Variants in SPRY1 observed in about 807,000 individuals in gnomAD.
The protein encoded by SPRY1 is sprouty RTK signaling antagonist 1.
Under a neutral mutation model 22.6 loss-of-function variants are expected in SPRY1, and 20 were observed. The observed-to-expected ratio is 0.89, with a 90% confidence interval of 0.62 to 1.29. The LOEUF is 1.29. SPRY1 is among the 50% of genes most tolerant of loss of function. The pLI is 0.00. For synonymous variants in SPRY1, 155 were observed against 144.7 expected, an observed-to-expected ratio of 1.07 and a Z score of -0.51; for missense variants, 446 against 387.7, an observed-to-expected ratio of 1.15 and a Z score of -1.26.
chr4:123,401,472 C>T (rs1253127463), intron 2 of SPRY1, 65 bp from the exon 3 acceptor site: 7 of 1,246,496 alleles, frequency 5.6e-6, no homozygotes, highest in East Asian at 2.7e-5. Context: ...CAGGATTCCC[C>T]CCCCCCAAAA....
rs569530064 is a variant in SPRY1 at position 123,402,831 on chromosome 4, C to G, written c.*280C>G. The G allele has an allele frequency of 1.4e-5, 7 of 518,274 alleles. No individual in the cohort carries two copies. Among genetic ancestry groups the G allele is most frequent in the African/African-American group, 1.1e-4 (6 of 52,282 alleles). The allele number at this position is 518,274 out of a possible 1,614,324, so 32.1% of individuals were successfully genotyped here. A position where few individuals can be genotyped will look rare whatever the true frequency, so the allele number is the denominator to read the frequency against. On this transcript the variant is annotated 3_prime_UTR_variant, in exon 3 of 3. Transcript: ENST00000651917. The stretch of plus-strand genomic sequence containing the variant: ...TGGGCTTTTGTGTAGCCTTTTTGTT[C>G]TGCAAGCAACTTTCTAAAGTTGTGT...
Position 123,401,480 on chromosome 4 carries a change from A to C in SPRY1, c.-55-57A>C. On this transcript the variant is annotated intron_variant, in intron 2 of 2. Coordinates refer to ENST00000651917, the MANE Select transcript of SPRY1 (RefSeq NM_001258038.2). ...GATTTGACAGGATTCCCCCCCCCCA[A>C]AAAAAATGCTTCCTGTCATTTATTT... 3.6e-6 allele frequency: 5 copies of C among 1,371,710 alleles called. No individual in the cohort carries two copies. The South Asian group carries it at 7.1e-5, about 19-fold the overall frequency. The allele number at this position is 1,371,710 out of a possible 1,614,324, so 85.0% of individuals were successfully genotyped here.
chr4:123,397,525 G>C (rs892118018), intron 1 of SPRY1, 86 bp from the exon 2 acceptor site: 5 of 152,228 alleles, frequency 3.3e-5, no homozygotes, highest in Admixed American at 6.5e-5. Flanking sequence ...CGGGCTGCGG[G>C]CGAGCTGGCC....
Position 123,402,363 on chromosome 4 carries a change from C to T in SPRY1, c.772C>T (p.Leu258=). ...ACAATCACACTGCTGCTCTAGATAC[C>T]TGTGTATGGGAGCCATGTCTTTATT... ...CSQSHCCSRY[L]CMGAMSLFLP... The change falls in exon 3 of 3, where the codon CTG becomes TTG. Residue 258 remains leucine, a synonymous_variant. Coordinates refer to ENST00000651917, the MANE Select transcript of SPRY1 (RefSeq NM_001258038.2). 6.2e-7 allele frequency: 1 copy of T among 1,614,170 alleles called. No homozygotes were observed. Among genetic ancestry groups the T allele is most frequent in the African/African-American group, 1.3e-5 (1 of 75,052 alleles).
At position 123,400,648 on chromosome 4, in the gene SPRY1, T is replaced by G. The variant is rs548377061; in HGVS notation, c.-55-889T>G. On this transcript the variant is annotated intron_variant, in intron 2 of 2. Coordinates refer to ENST00000651917, the MANE Select transcript of SPRY1 (RefSeq NM_001258038.2). ...TCAGAATTGGCAGTGCGTTTGAAAA[T>G]CAAGGTCTGTCATGTAAATACAGAT... is the stretch of plus-strand genomic sequence containing the variant. Among the ~76,000 whole-genome samples the G allele has an allele frequency of 2.6e-5, 4 of 152,312 alleles. No homozygotes were observed. In the East Asian group the frequency reaches 7.7e-4, roughly 29 times the overall value.
rs946993979 is a variant in SPRY1, at chr4:123,402,983, T to A, written c.*432T>A. 9 of 420,280 alleles carry A rather than the reference T, an allele frequency of 2.1e-5. No individual in the cohort carries two copies. The highest frequency in any genetic ancestry group is 3.5e-5 in the Non-Finnish European group (8 of 229,898). 26.0% of individuals were successfully genotyped at this position (420,280 alleles called of 1,614,324 possible). On this transcript the variant is annotated 3_prime_UTR_variant, in exon 3 of 3. Coordinates refer to ENST00000651917, the MANE Select transcript of SPRY1 (RefSeq NM_001258038.2). ...TTGCTTAAATAAGCTATGTATTAAA[T>A]CTGTCTCCAGTTAGGGCTATCTTCC...
Position 123,402,356 on chromosome 4 carries a change from T to C in SPRY1, c.765T>C (p.Ser255=). 1 of 1,614,228 alleles carries C rather than the reference T, an allele frequency of 6.2e-7. No homozygotes were observed. The highest frequency in any genetic ancestry group is 8.5e-7 in the Non-Finnish European group (1 of 1,180,036). ...CCTGTTCACAATCACACTGCTGCTC[T>C]AGATACCTGTGTATGGGAGCCATGT... The part of the protein sequence containing the change: ...PCSCSQSHCC[S]RYLCMGAMSL... Residue 255 remains serine, a synonymous_variant, in exon 3 of 3, where the codon TCT becomes TCC. Transcript: ENST00000651917.
rs577870519 is a variant in SPRY1, at chr4:123,403,095, C to T, written c.*544C>T. 8.7e-5 allele frequency: 27 copies of T among 311,868 alleles called. No individual in the cohort carries two copies. Among genetic ancestry groups the T allele is most frequent in the African/African-American group, 5.6e-4 (26 of 46,712 alleles). 19.3% of individuals were successfully genotyped at this position (311,868 alleles called of 1,614,324 possible). ...TTTAACCACTGCCCTCTCCTTCTTTCTCCTTCAAGGTTCTTTCCCCCTCAG... is the reference window on the plus strand; with the variant it reads ...TTTAACCACTGCCCTCTCCTTCTTTTTCCTTCAAGGTTCTTTCCCCCTCAG... On this transcript the variant is annotated 3_prime_UTR_variant, in exon 3 of 3. Coordinates refer to ENST00000651917, the MANE Select transcript of SPRY1 (RefSeq NM_001258038.2).
chr4:123,401,529 C>A lies in SPRY1; in HGVS notation c.-55-8C>A. 2.0e-6 allele frequency: 3 copies of A among 1,497,832 alleles called. No homozygotes were observed. The highest frequency in any genetic ancestry group is 1.4e-5 in the South Asian group (1 of 71,922). 92.8% of individuals were successfully genotyped at this position (1,497,832 alleles called of 1,614,324 possible). On this transcript the variant is annotated splice_polypyrimidine_tract_variant and splice_region_variant and intron_variant, in intron 2 of 2. Transcript: ENST00000651917. Reference sequence around the variant, plus strand: ...TTTCTGTTTTTTTCATCTTTGATTTCGTTTTAGGATTTCAGATGCATGCCA... The same window carrying A: ...TTTCTGTTTTTTTCATCTTTGATTTAGTTTTAGGATTTCAGATGCATGCCA...
chr4:123,401,896 T>TC lies in SPRY1; in HGVS notation c.308dup (p.Ser104LysfsTer2). Reference sequence around the variant, plus strand: ...ACAAGCCACCTGGGACATGCAGTACTCCCAAGTAATGCCAGGGGCCCCATT... The same window carrying TC: ...ACAAGCCACCTGGGACATGCAGTACTCCCCAAGTAATGCCAGGGGCCCCATT... On this transcript the variant is annotated frameshift_variant, in exon 3 of 3. Transcript: ENST00000651917. LOFTEE classifies it high-confidence loss of function. 6.2e-7 allele frequency: 1 copy of TC among 1,614,142 alleles called. No individual in the cohort carries two copies. The highest frequency in any genetic ancestry group is 8.5e-7 in the Non-Finnish European group (1 of 1,180,032).
chr4:123,397,164 C>T (rs1348223361), intron 1 of SPRY1, among the ~76,000 whole-genome samples: 1 of 152,146 alleles, frequency 6.6e-6, no homozygotes, highest in Non-Finnish European at 1.5e-5. Flanking sequence ...GAACAGTAGA[C>T]GTTTAAAGTC....
intron 2 of SPRY1, chr4:123,400,316 GTTTAGGAAA>G (rs1440846883): frequency 6.6e-6 from 1 of 152,240 alleles, no homozygotes; most frequent in Non-Finnish European, 1.5e-5. Flanking sequence ...AGAGACATTA[GTTTAGGAAA>G]TATAGGAAAT....
At position 123,401,813 on chromosome 4, in the gene SPRY1, T is replaced by C. The variant is rs758911065; in HGVS notation, c.222T>C (p.His74=). 8.1e-6 allele frequency: 13 copies of C among 1,613,968 alleles called. No homozygotes were observed. In the African/African-American group the frequency reaches 1.5e-4, roughly 18 times the overall value. Residue 74 remains histidine (H), a synonymous_variant, in exon 3 of 3, where the codon CAT becomes CAC. Coordinates refer to ENST00000651917, the MANE Select transcript of SPRY1 (RefSeq NM_001258038.2). ...APRTAPRQEK[H]ERTHEIIPIN... is the part of the protein sequence containing the mutation. ...GGACAGCACCAAGACAAGAAAAGCA[T>C]GAAAGGACTCATGAAATCATACCAA...
rs1299652485 is a variant in SPRY1 at position 123,402,331 on chromosome 4, C to T, written c.740C>T (p.Ser247Phe). ...EGDSYSDNPC[S>F]CSQSHCCSRY... Reference sequence around the variant, plus strand: ...GATTCCTATTCAGATAATCCTTGCTCCTGTTCACAATCACACTGCTGCTCT... The same window carrying T: ...GATTCCTATTCAGATAATCCTTGCTTCTGTTCACAATCACACTGCTGCTCT... The change falls in exon 3 of 3, where the codon TCC (serine) becomes TTC (phenylalanine). Residue 247 changes from serine to phenylalanine, a missense_variant. Physicochemically the swap from Ser to Phe is radical, Grantham distance 155. Transcript: ENST00000651917. 1 of 1,614,234 alleles carries T rather than the reference C, an allele frequency of 6.2e-7. No individual in the cohort carries two copies. Among genetic ancestry groups the T allele is most frequent in the Non-Finnish European group, 8.5e-7 (1 of 1,180,036 alleles).
At chr4:123,398,732 G>T (rs1009510690) in intron 2 of SPRY1, among the ~76,000 whole-genome samples, 5 of 152,150 alleles carry the variant, frequency 3.3e-5, no homozygotes, top group African/African-American at 4.8e-5. Flanking sequence ...GGGTGGCGGG[G>T]TGGGCGACGG....
intron 2 of SPRY1, 68 bp from the exon 3 acceptor site, chr4:123,401,469 C>T (rs1023833571): frequency 2.8e-5 from 22 of 792,920 alleles, no homozygotes; most frequent in Admixed American, 1.3e-4. Flanking sequence ...TGACAGGATT[C>T]CCCCCCCCCA....
chr4:123,401,634 G>T lies in SPRY1; in HGVS notation c.43G>T (p.Val15Leu), dbSNP rs1402871564. Residue 15 changes from valine to leucine, a missense_variant, in exon 3 of 3, where the codon GTG becomes TTG. By Grantham distance (32) the Val-to-Leu change is conservative. Transcript: ENST00000651917. Reference sequence around the variant, plus strand: ...ACATGGCAGTGGCAGTTCGTTAGTTGTGATCCAGCAGCCTTCTTTGGATAG... The same window carrying T: ...ACATGGCAGTGGCAGTTCGTTAGTTTTGATCCAGCAGCCTTCTTTGGATAG... Reference protein sequence around the residue: ...NQHGSGSSLVVIQQPSLDSRQ... With the variant: ...NQHGSGSSLVLIQQPSLDSRQ... 16 of 1,614,052 alleles carry T rather than the reference G, an allele frequency of 9.9e-6. No individual in the cohort carries two copies. The highest frequency in any genetic ancestry group is 1.4e-5 in the Non-Finnish European group (16 of 1,180,052).
Position 123,402,496 on chromosome 4 carries a change from C to CT in SPRY1, c.906dup (p.Val303CysfsTer4), listed in dbSNP as rs746592977. ...GGGTGCAGATGTAAGAACTCCAACA[C>CT]TGTCTATTGTAAGCTGGAGAGCTGC... On this transcript the variant is annotated frameshift_variant, in exon 3 of 3. Transcript: ENST00000651917. LOFTEE classifies it high-confidence loss of function. 1 of 1,614,040 alleles carries CT rather than the reference C, an allele frequency of 6.2e-7. No homozygotes were observed. Among genetic ancestry groups the CT allele is most frequent in the Non-Finnish European group, 8.5e-7 (1 of 1,180,016 alleles).
chr4:123,401,849 T>A lies in SPRY1; in HGVS notation c.258T>A (p.Asn86Lys). The change falls in exon 3 of 3, where the codon AAT becomes AAA. Residue 86 changes from asparagine (N) to lysine (K), a missense_variant. Physicochemically the swap from Asn to Lys is moderately conservative, Grantham distance 94. Coordinates refer to ENST00000651917, the MANE Select transcript of SPRY1 (RefSeq NM_001258038.2). Reference protein sequence around the residue: ...RTHEIIPINVNNNYEHRHTSH... With the variant: ...RTHEIIPINVKNNYEHRHTSH... ...ATGAAATCATACCAATTAATGTGAA[T>A]AATAACTACGAGCACAGACACACAA... The A allele has an allele frequency of 6.2e-7, 1 of 1,614,186 alleles. No individual in the cohort carries two copies. Among genetic ancestry groups the A allele is most frequent in the South Asian group, 1.1e-5 (1 of 91,088 alleles).
Sources: allele counts gnomAD v4.1 joint callset (sites outside exome capture counted in the v4.1 genomes callset), GRCh38; gene constraint gnomAD v4.1.1; transcripts MANE v1.5; gene names NCBI Gene and HGNC (gene_info 2026-07-23, HGNC 2026-07-21).